The following KCTD16 variants were observed in gnomAD, a reference collection of about 807,000 sequenced individuals.
KCTD16 encodes the protein BTB/POZ domain-containing protein KCTD16.
In KCTD16, 13 loss-of-function variants were observed where a neutral mutation model predicts 33.2. The ratio of observed to expected loss-of-function variants is 0.39; its 90% CI spans 0.25 to 0.62. KCTD16 has a LOEUF of 0.62. KCTD16 is among the 20% of genes least tolerant of loss of function. KCTD16 has a pLI of 0.50. For synonymous variants in KCTD16, 197 were observed against 195.3 expected (o/e 1.01, Z -0.07); for missense variants, 441 against 525.1 (o/e 0.84, Z 1.57).
chr5:144,260,205 T>C (rs969082330), intron 3 of KCTD16, among the ~76,000 whole-genome samples: 1 of 152,208 alleles, frequency 6.6e-6, no homozygotes, highest in African/African-American at 2.4e-5. Flanking sequence ...AAACCTCTCC[T>C]GTGGCTCCAT....
chr5:144,278,485 CTTTTTTTTT>C (rs1220359408), intron 3 of KCTD16, among the ~76,000 whole-genome samples: 2 of 89,976 alleles, frequency 2.2e-5, no homozygotes, highest in Middle Eastern at 0.01. Context: ...TGTTAGTCTT[CTTTTTTTTT>C]TTTTTTTTTT....
At chr5:144,233,217 G>C (rs919407955) in intron 3 of KCTD16, among the ~76,000 whole-genome samples, 1 of 151,106 alleles carries the variant, frequency 6.6e-6, no homozygotes, top group Non-Finnish European at 1.5e-5. Context: ...ATAAAAAAAG[G>C]GTCTTCCATC....
chr5:144,314,572 C>T (rs1279950878), intron 3 of KCTD16, among the ~76,000 whole-genome samples: 2 of 152,126 alleles, frequency 1.3e-5, no homozygotes, highest in African/African-American at 4.8e-5. Context: ...TGTTTATCAT[C>T]CAGCTTTTCA....
At chr5:144,268,668 CA>C (rs1755213100) in intron 3 of KCTD16, among the ~76,000 whole-genome samples, 1 of 151,448 alleles carries the variant, frequency 6.6e-6, no homozygotes, top group South Asian at 2.1e-4. Flanking sequence ...TCCACTTTTC[CA>C]AAAAAAGATA....
At chr5:144,312,105 A>G (rs1036076278) in intron 3 of KCTD16, among the ~76,000 whole-genome samples, 6 of 152,184 alleles carry the variant, frequency 3.9e-5, no homozygotes, top group Non-Finnish European at 7.3e-5. Context: ...ATGGCTCACA[A>G]ACACATATGC....
chr5:144,171,060 C>G (rs369664455), intron 1 of KCTD16, 51 bp downstream of exon 1: 8 of 152,298 alleles, frequency 5.3e-5, no homozygotes, highest in Non-Finnish European at 8.8e-5. Flanking sequence ...CCCTATTTCC[C>G]TTTTGTAAGT....
chr5:144,447,982 T>A (rs1366643600), intron 3 of KCTD16, among the ~76,000 whole-genome samples: 1 of 152,036 alleles, frequency 6.6e-6, no homozygotes, highest in East Asian at 1.9e-4. Context: ...CCATGTAATT[T>A]CAGTGTTTAA....
intron 3 of KCTD16, among the ~76,000 whole-genome samples, chr5:144,221,525 T>A (rs1280857200): frequency 4.6e-5 from 7 of 152,168 alleles, no homozygotes; most frequent in Admixed American, 2.6e-4. Flanking sequence ...GTGTTTGGTT[T>A]TCTGTTCTTG....
rs1383993386 is a variant in KCTD16 at position 144,205,682 on chromosome 5, C to T, written c.-326-707C>T. 1.5e-5 allele frequency: 6 copies of T among 398,204 alleles called. No homozygotes were observed. In the South Asian group the frequency reaches 3.8e-4, roughly 26 times the overall value. The allele number at this position is 398,204 out of a possible 1,614,324, so 24.7% of individuals were successfully genotyped here. On this transcript the variant is annotated intron_variant, in intron 2 of 3. Transcript: ENST00000512467. ...GGATCCTTTCCAAAGATTTCTTTTTCCATTTTTCTTTTCCCCTGGGGAAGC... is the reference window on the plus strand; with the variant it reads ...GGATCCTTTCCAAAGATTTCTTTTTTCATTTTTCTTTTCCCCTGGGGAAGC...
chr5:144,352,174 A>C (rs1243806693), intron 3 of KCTD16, among the ~76,000 whole-genome samples: 1 of 152,224 alleles, frequency 6.6e-6, no homozygotes, highest in Non-Finnish European at 1.5e-5. Flanking sequence ...AAAATAAAGA[A>C]AATAAAGCAG....
intron 3 of KCTD16, among the ~76,000 whole-genome samples, chr5:144,299,148 ATTTTTTT>A (rs369343270): frequency 2.0e-3 from 28 of 14,052 alleles, no homozygotes; most frequent in African/African-American, 7.4e-3. Context: ...ATATATATAT[ATTTTTTT>A]TTTTTTTTTT....
chr5:144,327,748 A>G (rs963567399), intron 3 of KCTD16, among the ~76,000 whole-genome samples: 26 of 152,306 alleles, frequency 1.7e-4, no homozygotes, highest in African/African-American at 5.8e-4. Flanking sequence ...ATGTAATTCT[A>G]TGAACACATG....
intron 3 of KCTD16, among the ~76,000 whole-genome samples, chr5:144,368,567 C>T (rs1751891194): frequency 6.6e-6 from 1 of 152,112 alleles, no homozygotes; most frequent in South Asian, 2.1e-4. Context: ...CAAGTTGTCT[C>T]CCAAAACCTT....
At chr5:144,438,925 A>G (rs1041880146) in intron 3 of KCTD16, among the ~76,000 whole-genome samples, 2 of 152,120 alleles carry the variant, frequency 1.3e-5, no homozygotes, top group East Asian at 1.9e-4. Context: ...CACTCTCCTT[A>G]TTCGGTTAGA....
chr5:144,266,345 T>A (rs763414633), intron 3 of KCTD16, among the ~76,000 whole-genome samples: 3 of 152,166 alleles, frequency 2.0e-5, no homozygotes, highest in African/African-American at 7.2e-5. Context: ...GGAGCTGGGC[T>A]GCCTTTTGAG....
chr5:144,171,071 G>A (rs1752371293), intron 1 of KCTD16, 62 bp downstream of exon 1: 1 of 152,230 alleles, frequency 6.6e-6, no homozygotes, highest in African/African-American at 2.4e-5. Flanking sequence ...TTTTGTAAGT[G>A]AAGCTATTAA....
At chr5:144,288,599 T>C (rs2126860350) in intron 3 of KCTD16, among the ~76,000 whole-genome samples, 1 of 152,280 alleles carries the variant, frequency 6.6e-6, no homozygotes, top group East Asian at 1.9e-4. Context: ...AAAAGAGGAA[T>C]GACATTTAGG....
Position 144,375,843 on chromosome 5 carries a change from C to T in KCTD16, c.833-97817C>T, listed in dbSNP as rs557442858. ...CTTCCTTCCTTTCTTTTTTGTCTCG[C>T]TCTGTTGCCCAGGCTGGAGTGCAGT... On this transcript the variant is annotated intron_variant, in intron 3 of 3. Transcript: ENST00000512467. Among the ~76,000 whole-genome samples the T allele has an allele frequency of 5.3e-5, 8 of 152,082 alleles. No individual in the cohort carries two copies. In the South Asian group the frequency reaches 1.0e-3, roughly 20 times the overall value.
At chr5:144,252,891 CTTT>C (rs796121886) in intron 3 of KCTD16, among the ~76,000 whole-genome samples, 1 of 138,330 alleles carries the variant, frequency 7.2e-6, no homozygotes. Context: ...CTCATCTTGC[CTTT>C]TTTTTTTTTT....
Sources: gnomAD v4.1 joint callset for allele counts (sites outside exome capture counted in the v4.1 genomes callset) on GRCh38, gnomAD v4.1.1 for gene constraint, MANE v1.5 for transcripts, NCBI Gene and HGNC (gene_info 2026-07-23, HGNC 2026-07-21) for gene names.